Variants in ZFP64 observed in about 807,000 individuals in gnomAD.
The protein encoded by ZFP64 is ZFP64 zinc finger protein.
In ZFP64, 14 loss-of-function variants were observed where a neutral mutation model predicts 51.6. That is an observed-to-expected ratio of 0.27 (90% CI 0.18 to 0.42). The LOEUF is 0.42. ZFP64 is among the 10% of genes least tolerant of loss of function. The pLI, the probability that ZFP64 is intolerant of heterozygous loss-of-function variation, is 1.00. For missense variants in ZFP64, 754 were observed against 906.8 expected (o/e 0.83, Z 2.16); for synonymous variants, 375 against 361.4 (o/e 1.04, Z -0.43).
exon 9 of ZFP64, chr20:52,084,616 T>A: frequency 6.2e-7 from 1 of 1,613,940 alleles, no homozygotes. Context: ...ACCAGGGTGC[T>A]GAGCTGTCCC....
At chr20:52,187,607 A>G (rs1178119869) in intron 1 of ZFP64, among the ~76,000 whole-genome samples, 2 of 151,994 alleles carry the variant, frequency 1.3e-5, no homozygotes, top group Admixed American at 1.3e-4. Flanking sequence ...GGGGGACAAG[A>G]GTGAAACTCT....
At chr20:52,090,601 C>T (rs2078913164) in intron 7 of ZFP64, among the ~76,000 whole-genome samples, 1 of 151,948 alleles carries the variant, frequency 6.6e-6, no homozygotes, top group Non-Finnish European at 1.5e-5. Context: ...GAGTTCGAGA[C>T]CAGCCTGGCC....
At chr20:52,116,769 T>C (rs556798463) in intron 5 of ZFP64, among the ~76,000 whole-genome samples, 1 of 152,182 alleles carries the variant, frequency 6.6e-6, no homozygotes, top group Non-Finnish European at 1.5e-5. Flanking sequence ...ACATCATCTC[T>C]ATATACATTT....
intron 5 of ZFP64, among the ~76,000 whole-genome samples, chr20:52,118,022 T>C (rs1978971726): frequency 6.6e-6 from 1 of 151,990 alleles, no homozygotes; most frequent in Non-Finnish European, 1.5e-5. Context: ...GGTCTTGAAC[T>C]CCAGGGCTCA....
At chr20:52,141,026 C>G (rs1337196240) in intron 5 of ZFP64, among the ~76,000 whole-genome samples, 2 of 152,210 alleles carry the variant, frequency 1.3e-5, no homozygotes, top group Non-Finnish European at 2.9e-5. Context: ...GGCTGGATGA[C>G]AGCACCTCTG....
intron 2 of ZFP64, among the ~76,000 whole-genome samples, chr20:52,184,402 C>G (rs554697095): frequency 3.9e-5 from 6 of 152,330 alleles, no homozygotes; most frequent in Admixed American, 3.9e-4. Flanking sequence ...CCACCACTCT[C>G]TAACACCTCC....
At chr20:52,117,545 G>A in intron 5 of ZFP64, 1 of 418,406 alleles carries the variant, frequency 2.4e-6, no homozygotes, top group South Asian at 1.7e-5. Context: ...CTTGAACCCA[G>A]GAGGTGGAGG....
At chr20:52,163,521 T>G (rs1239759231) in intron 4 of ZFP64, among the ~76,000 whole-genome samples, 1 of 152,222 alleles carries the variant, frequency 6.6e-6, no homozygotes, top group African/African-American at 2.4e-5. Context: ...ACTTGAAACT[T>G]AATATTTGGA....
At chr20:52,091,317 G>C (rs2078924349) in intron 7 of ZFP64, among the ~76,000 whole-genome samples, 1 of 152,112 alleles carries the variant, frequency 6.6e-6, no homozygotes, top group Admixed American at 6.5e-5. Flanking sequence ...GGGCAACACA[G>C]GGAGAGCTCA....
At chr20:52,157,655 C>A (rs1981425466) in intron 5 of ZFP64, among the ~76,000 whole-genome samples, 1 of 152,156 alleles carries the variant, frequency 6.6e-6, no homozygotes. Flanking sequence ...GCCTCCCGTT[C>A]TTCTATACTA....
chr20:52,088,519 G>A (rs764842493), exon 8 of ZFP64: 37 of 1,614,032 alleles, frequency 2.3e-5, no homozygotes, highest in East Asian at 1.3e-4. Flanking sequence ...TGCTGTCCAC[G>A]GCAGCGTAGT....
At chr20:52,149,627 G>T (rs1201285728), downstream of ZFP64, among the ~76,000 whole-genome samples, 1 of 152,168 alleles carries the variant, frequency 6.6e-6, no homozygotes, top group Non-Finnish European at 1.5e-5. Flanking sequence ...GCTGGAAGTT[G>T]TTGGCTTGGT....
chr20:52,189,594 G>A (rs983337136), intron 1 of ZFP64, among the ~76,000 whole-genome samples: 2 of 151,420 alleles, frequency 1.3e-5, no homozygotes, highest in Admixed American at 1.3e-4. Flanking sequence ...TCCTGCCTCA[G>A]CCTCCGGAGT....
At chr20:52,103,604 T>C (rs543985915) in intron 5 of ZFP64, among the ~76,000 whole-genome samples, 4 of 152,246 alleles carry the variant, frequency 2.6e-5, no homozygotes, top group African/African-American at 9.6e-5. Flanking sequence ...AGTAGCTCAG[T>C]GCACAGACTT....
At chr20:52,163,558 A>T (rs1982001502) in intron 4 of ZFP64, among the ~76,000 whole-genome samples, 1 of 152,212 alleles carries the variant, frequency 6.6e-6, no homozygotes, top group African/African-American at 2.4e-5. Flanking sequence ...AGATAGCATG[A>T]CACTGTGAGG....
chr20:52,191,656 CCCGG>C lies in ZFP64; in HGVS notation c.-24_-21del, dbSNP rs1460063756. On this transcript the variant is annotated 5_prime_UTR_variant, in exon 1 of 6. Transcript: ENST00000216923. This position sits in a 1 kb window ranked among gnomAD's most constrained non-coding sequence, Gnocchi z 4.3. Reference sequence around the variant, plus strand: ...GTTCATGGCCGCAGACTGGGAGGTCCCCGGCCGGCCGGGATGCCAAAGTGGGGGA... The same window carrying C: ...GTTCATGGCCGCAGACTGGGAGGTCCCCGGCCGGGATGCCAAAGTGGGGGA... The C allele has an allele frequency of 6.3e-7, 1 of 1,577,382 alleles. No homozygotes were observed. Among genetic ancestry groups the C allele is most frequent in the South Asian group, 1.2e-5 (1 of 86,224 alleles).
At chr20:52,097,863 G>C (rs1478828004) in intron 6 of ZFP64, among the ~76,000 whole-genome samples, 2 of 151,504 alleles carry the variant, frequency 1.3e-5, no homozygotes, top group Admixed American at 6.6e-5. Flanking sequence ...GAGGCCAGAA[G>C]TTTGAGACCA....
chr20:52,124,558 T>C (rs1281843207), intron 5 of ZFP64, among the ~76,000 whole-genome samples: 2 of 152,152 alleles, frequency 1.3e-5, no homozygotes, highest in Non-Finnish European at 1.5e-5. Context: ...AGCTTTGCTG[T>C]ATGTTTGACA....
Position 52,140,385 on chromosome 20 carries a change from A to T in ZFP64, c.763+19738T>A, listed in dbSNP as rs1449291749. 2.0e-5 allele frequency among the ~76,000 whole-genome samples: 3 copies of T among 152,228 alleles called. No homozygotes were observed. In the East Asian group the frequency reaches 5.8e-4, roughly 29 times the overall value. ...TTAGCCAAGTTGTGAATGCAAAGGA[A>T]AAGTTCTGCAAAGAAATTAAAAGTG... On this transcript the variant is annotated intron_variant, in intron 5 of 8. Coordinates refer to the ZFP64 transcript ENST00000361387.
Sources: allele counts gnomAD v4.1 joint callset (sites outside exome capture counted in the v4.1 genomes callset), GRCh38; gene constraint gnomAD v4.1.1; non-coding constraint Gnocchi (gnomAD v3.1); transcripts MANE v1.5; gene names NCBI Gene and HGNC (gene_info 2026-07-23, HGNC 2026-07-21).